NXPE2: variants seen among roughly 807,000 people sequenced by gnomAD.
NXPE2 encodes neurexophilin and PC-esterase domain family member 2.
A neutral mutation model predicts 34.4 loss-of-function variants in NXPE2; 34 were observed. The observed-to-expected ratio is 0.99, with a 90% CI of 0.75 to 1.31. The LOEUF (loss-of-function observed/expected upper bound fraction) is 1.31, where lower values mean the gene tolerates loss of function less well. Ranked by LOEUF, NXPE2 falls within the 40% of genes most tolerant of loss-of-function variation. The pLI is 0.00. For synonymous variants in NXPE2, 235 were observed against 231.3 expected, an observed-to-expected ratio of 1.02 and a Z score of -0.15; for missense variants, 649 against 672.5, an observed-to-expected ratio of 0.97 and a Z score of 0.39.
At chr11:114,637,336 T>C in the NXPE2 span, among the ~76,000 whole-genome samples, 1 of 151,952 alleles carries the variant, frequency 6.6e-6, no homozygotes, top group Non-Finnish European at 1.5e-5. Flanking sequence ...CTCCATCCTT[T>C]TATTTTGAGC....
At chr11:114,643,156 G>A in the NXPE2 span, among the ~76,000 whole-genome samples, 1 of 151,882 alleles carries the variant, frequency 6.6e-6, no homozygotes, top group Non-Finnish European at 1.5e-5. Context: ...CTGGATATTA[G>A]CCCTTTGTCA....
the NXPE2 span, chr11:114,530,831 T>C: frequency 6.2e-7 from 1 of 1,614,134 alleles, no homozygotes; most frequent in East Asian, 2.2e-5. Context: ...ATGGTATCAG[T>C]GATGTTTTAG....
At chr11:114,647,457 G>C in the NXPE2 span, among the ~76,000 whole-genome samples, 20 of 152,138 alleles carry the variant, frequency 1.3e-4, no homozygotes, top group Non-Finnish European at 2.5e-4. Flanking sequence ...TATTTAAAGG[G>C]GGACAAAGTC....
chr11:114,708,300 G>T (rs750490797), downstream of NXPE2, among the ~76,000 whole-genome samples: 7 of 152,040 alleles, frequency 4.6e-5, no homozygotes, highest in African/African-American at 1.7e-4. Context: ...TTATGTTAAC[G>T]TACAGACCCC....
chr11:114,582,495 A>T, the NXPE2 span: 1 of 1,613,982 alleles, frequency 6.2e-7, no homozygotes, highest in Non-Finnish European at 8.5e-7. Context: ...GCCATTGACA[A>T]ACTGGCCAGT....
the NXPE2 span, among the ~76,000 whole-genome samples, chr11:114,562,768 G>A: frequency 6.6e-6 from 1 of 152,172 alleles, no homozygotes; most frequent in East Asian, 1.9e-4. Context: ...AATTAATCTA[G>A]CTTCAGATAA....
At chr11:114,804,229 C>G in the NXPE2 span, among the ~76,000 whole-genome samples, 2 of 152,242 alleles carry the variant, frequency 1.3e-5, no homozygotes, top group Non-Finnish European at 2.9e-5. Context: ...CCATTTCCCT[C>G]TGCTCCCTAT....
At chr11:114,630,010 G>T in the NXPE2 span, among the ~76,000 whole-genome samples, 192 of 150,514 alleles carry the variant, frequency 1.3e-3, no homozygotes, top group African/African-American at 4.5e-3. Flanking sequence ...CACTGCTCAA[G>T]GAAATAAAAG....
chr11:114,630,430 C>A, the NXPE2 span, among the ~76,000 whole-genome samples: 1 of 151,734 alleles, frequency 6.6e-6, no homozygotes, highest in African/African-American at 2.4e-5. Flanking sequence ...GGAAAGTATT[C>A]CCTATTTAAT....
At chr11:114,705,745 A>G (rs1223312070) in intron 4 of NXPE2, 36 bp from the exon 5 acceptor site, 4 of 1,299,968 alleles carry the variant, frequency 3.1e-6, no homozygotes, top group Non-Finnish European at 4.1e-6. Flanking sequence ...ATTTGTGGTA[A>G]TAAAAATTAC....
the NXPE2 span, among the ~76,000 whole-genome samples, chr11:114,718,045 C>T: frequency 6.6e-6 from 1 of 152,094 alleles, no homozygotes; most frequent in Non-Finnish European, 1.5e-5. Flanking sequence ...ATGCTGGGCT[C>T]AATTGTGTAG....
At chr11:114,799,795 C>CAAAGGGCTCT in the NXPE2 span, among the ~76,000 whole-genome samples, 1 of 152,056 alleles carries the variant, frequency 6.6e-6, no homozygotes, top group African/African-American at 2.4e-5. Context: ...CAAAGGGCTC[C>CAAAGGGCTCT]GGAATGACAA....
chr11:114,701,563 GATT>G (rs1404106777), intron 3 of NXPE2, among the ~76,000 whole-genome samples: 13 of 152,164 alleles, frequency 8.5e-5, no homozygotes, highest in Admixed American at 2.0e-4. Context: ...TGGAAATAGA[GATT>G]TCAGTCTCCC....
the NXPE2 span, among the ~76,000 whole-genome samples, chr11:114,743,518 TAA>T: frequency 6.6e-6 from 1 of 150,748 alleles, no homozygotes; most frequent in Non-Finnish European, 1.5e-5. Flanking sequence ...GGAAAATGCT[TAA>T]AATCTATTTT....
At chr11:114,728,837 G>C in the NXPE2 span, among the ~76,000 whole-genome samples, 1 of 152,052 alleles carries the variant, frequency 6.6e-6, no homozygotes, top group African/African-American at 2.4e-5. Context: ...GACACATATA[G>C]ATCAATGAGA....
At chr11:114,717,456 A>G in the NXPE2 span, among the ~76,000 whole-genome samples, 1 of 152,200 alleles carries the variant, frequency 6.6e-6, no homozygotes, top group South Asian at 2.1e-4. Flanking sequence ...AGCACACCAT[A>G]GCCAGATCCC....
chr11:114,616,670 G>A, the NXPE2 span, among the ~76,000 whole-genome samples: 15 of 151,556 alleles, frequency 9.9e-5, no homozygotes, highest in South Asian at 1.0e-3. Flanking sequence ...ACTGTTACCC[G>A]TTGGATAATA....
the NXPE2 span, among the ~76,000 whole-genome samples, chr11:114,528,333 T>G: frequency 6.6e-6 from 1 of 152,178 alleles, no homozygotes; most frequent in Non-Finnish European, 1.5e-5. Context: ...CCTTTCTCAT[T>G]GCAAATCCAA....
chr11:114,742,818 C>T, the NXPE2 span, among the ~76,000 whole-genome samples: 1 of 152,056 alleles, frequency 6.6e-6, no homozygotes, highest in Non-Finnish European at 1.5e-5. Context: ...CCCAGTTGGT[C>T]CCAAGCATAG....
Sources: allele counts gnomAD v4.1 joint callset (sites outside exome capture counted in the v4.1 genomes callset), GRCh38; gene constraint gnomAD v4.1.1; transcripts MANE v1.5; gene names NCBI Gene and HGNC (gene_info 2026-07-23, HGNC 2026-07-21).